GABRA3: variants seen among roughly 807,000 people sequenced by gnomAD.
GABRA3 encodes gamma-aminobutyric acid receptor subunit alpha-3.
A neutral mutation model predicts 30.1 loss-of-function variants in GABRA3; 10 were observed. The ratio of observed to expected loss-of-function variants is 0.33; its 90% CI spans 0.20 to 0.56. The LOEUF (loss-of-function observed/expected upper bound fraction) is 0.56, where lower values mean the gene tolerates loss of function less well. Among genes scored for constraint, GABRA3 ranks in the 20% least tolerant of loss-of-function variants. The pLI is 0.89. For synonymous variants in GABRA3, 151 were observed against 146.8 expected (o/e 1.03, Z -0.21); for missense variants, 233 against 392.0 (o/e 0.59, Z 3.42).
At chrX:152,173,248 TG>T (rs1937027407) in intron 9 of GABRA3, among the ~76,000 whole-genome samples, 1 of 103,262 alleles carries the variant, frequency 9.7e-6, no homozygotes, top group Admixed American at 1.1e-4. Flanking sequence ...GGTGGGGGGG[TG>T]GGGGTTATCT....
intron 1 of GABRA3, among the ~76,000 whole-genome samples, chrX:152,396,040 T>C (rs1929651566): frequency 8.9e-6 from 1 of 112,365 alleles, no homozygotes; most frequent in African/African-American, 3.2e-5. Flanking sequence ...GTGACTTTAT[T>C]TGGTAATAGG....
intron 5 of GABRA3, among the ~76,000 whole-genome samples, chrX:152,241,350 C>T (rs1450157685): frequency 1.1e-5 from 1 of 94,486 alleles, no homozygotes; most frequent in Non-Finnish European, 2.4e-5. Context: ...CTTGAGGAGG[C>T]AGTCTGCCGG....
intron 1 of GABRA3, among the ~76,000 whole-genome samples, chrX:152,392,974 T>C (rs1929534318): frequency 9.0e-6 from 1 of 111,702 alleles, no homozygotes; most frequent in South Asian, 3.8e-4. Flanking sequence ...CCTGACACCA[T>C]ATACTCAGAT....
chrX:152,445,256 A>G (rs1461022129), intron 1 of GABRA3, among the ~76,000 whole-genome samples: 1 of 109,585 alleles, frequency 9.1e-6, no homozygotes, highest in East Asian at 2.9e-4. Flanking sequence ...TTATATTACC[A>G]ACTAGTATTT....
At chrX:152,431,137 A>G (rs1391689481) in intron 1 of GABRA3, among the ~76,000 whole-genome samples, 3 of 111,798 alleles carry the variant, frequency 2.7e-5, no homozygotes, top group East Asian at 5.6e-4. Flanking sequence ...ATGTTCAAGA[A>G]TAATTTCAGA....
At position 152,170,847 on chromosome X, in the gene GABRA3, G is replaced by A. The variant is rs1051914886; in HGVS notation, c.1144-2284C>T. ...TTGGTTTACGTAAATTGAACAGTCT[G>A]ACTAATAGGATATTTTGAAAGCAAT... On this transcript the variant is annotated intron_variant, in intron 9 of 9. Coordinates refer to ENST00000370314, the MANE Select transcript of GABRA3 (RefSeq NM_000808.4). Among the ~76,000 whole-genome samples, 4 of 111,987 alleles carry A rather than the reference G, an allele frequency of 3.6e-5. No individual in the cohort carries two copies. In the East Asian group the frequency reaches 1.1e-3, roughly 31 times the overall value.
intron 3 of GABRA3, among the ~76,000 whole-genome samples, chrX:152,322,406 A>G (rs1241664716): frequency 8.9e-6 from 1 of 112,000 alleles, no homozygotes; most frequent in East Asian, 2.8e-4. Context: ...TTGGAACTAG[A>G]CAGAAGTTGT....
intron 1 of GABRA3, among the ~76,000 whole-genome samples, chrX:152,391,716 G>C (rs1465697409): frequency 9.0e-6 from 1 of 111,462 alleles, no homozygotes; most frequent in Admixed American, 9.6e-5. Context: ...GAATGACTTT[G>C]CCAAAGGAGT....
chrX:152,227,149 T>C (rs1937974256), intron 5 of GABRA3, among the ~76,000 whole-genome samples: 1 of 109,324 alleles, frequency 9.1e-6, no homozygotes, highest in African/African-American at 3.3e-5. Flanking sequence ...CCAACAATGA[T>C]AGACTGGATT....
chrX:152,235,703 A>T (rs975918386), intron 5 of GABRA3, among the ~76,000 whole-genome samples: 1 of 111,887 alleles, frequency 8.9e-6, no homozygotes, highest in Non-Finnish European at 1.9e-5. Flanking sequence ...TGATGAAAGA[A>T]ATTGAAGACA....
chrX:152,426,473 T>G (rs776878309), intron 1 of GABRA3, among the ~76,000 whole-genome samples: 1 of 111,838 alleles, frequency 8.9e-6, no homozygotes, highest in Non-Finnish European at 1.9e-5. Context: ...TTGATTAACT[T>G]GCAAGAGTTA....
intron 5 of GABRA3, among the ~76,000 whole-genome samples, chrX:152,235,303 T>G (rs1938177056): frequency 8.9e-6 from 1 of 111,964 alleles, no homozygotes; most frequent in African/African-American, 3.2e-5. Flanking sequence ...TTTTTATATG[T>G]GGATTTTGTA....
At chrX:152,235,627 G>C (rs1185066155) in intron 5 of GABRA3, among the ~76,000 whole-genome samples, 2 of 111,524 alleles carry the variant, frequency 1.8e-5, no homozygotes, top group African/African-American at 6.5e-5. Flanking sequence ...ATTCACTATA[G>C]CTACAAAGAT....
intron 5 of GABRA3, among the ~76,000 whole-genome samples, chrX:152,241,804 A>C (rs1200484960): frequency 9.0e-6 from 1 of 111,368 alleles, no homozygotes; most frequent in Non-Finnish European, 1.9e-5. Context: ...GGACTCAGAA[A>C]GGGAACTCCC....
chrX:152,342,385 C>T (rs1940328065), intron 3 of GABRA3, among the ~76,000 whole-genome samples: 1 of 111,839 alleles, frequency 8.9e-6, no homozygotes, highest in Admixed American at 9.5e-5. Context: ...ATTTTCTGCC[C>T]CCTTCAGATA....
intron 5 of GABRA3, among the ~76,000 whole-genome samples, chrX:152,237,286 G>T (rs1268520006): frequency 6.4e-5 from 7 of 109,813 alleles, no homozygotes; most frequent in African/African-American, 2.3e-4. Flanking sequence ...TCTCAGGTTT[G>T]TCAAAGATCA....
rs145848659 is a variant in GABRA3 at position 152,181,477 on chromosome X, T to C, written c.1143+8253A>G. On this transcript the variant is annotated intron_variant, in intron 9 of 9. Coordinates refer to ENST00000370314, the MANE Select transcript of GABRA3 (RefSeq NM_000808.4). ...TGTAGGGTCTTTAGGGTTTTCTATA[T>C]ATAAGATCAGGCCATAAAAAATGAT... 7.2e-3 allele frequency among the ~76,000 whole-genome samples: 795 copies of C among 110,662 alleles called. 11 individuals are homozygous for C. The highest frequency in any genetic ancestry group is 0.025 in the African/African-American group (748 of 30,394).
intron 1 of GABRA3, among the ~76,000 whole-genome samples, chrX:152,419,523 G>GT (rs374109665): frequency 9.5e-4 from 105 of 110,655 alleles, no homozygotes; most frequent in African/African-American, 3.3e-3. Context: ...TTAGAAAAAC[G>GT]TATTTCTTTG....
intron 1 of GABRA3, chrX:152,392,115 C>A (rs1171729078): frequency 9.3e-6 from 3 of 323,593 alleles, no homozygotes; most frequent in Non-Finnish European, 1.3e-5. Flanking sequence ...TGCACATACA[C>A]TGATGGTGCC....
Sources: gnomAD v4.1 joint callset for allele counts (sites outside exome capture counted in the v4.1 genomes callset) on GRCh38, gnomAD v4.1.1 for gene constraint, MANE v1.5 for transcripts, NCBI Gene and HGNC (gene_info 2026-07-23, HGNC 2026-07-21) for gene names.